MS4A18: variants seen among roughly 807,000 people sequenced by gnomAD.
MS4A18 encodes the protein membrane spanning 4-domains A18.
A neutral mutation model predicts 13.1 loss-of-function variants in MS4A18; 27 were observed. That is an observed-to-expected ratio of 2.06 (90% confidence interval 1.52 to 2.84). MS4A18 has a LOEUF of 2.84. MS4A18 is among the 30% of genes most tolerant of loss of function. The pLI is 0.00. For synonymous variants in MS4A18, 126 were observed against 76.5 expected (o/e 1.65, Z -3.38); for missense variants, 307 against 196.4 (o/e 1.56, Z -3.37).
At chr11:60,727,844 G>T (rs894780950), upstream of MS4A18, among the ~76,000 whole-genome samples, 1 of 152,072 alleles carries the variant, frequency 6.6e-6, no homozygotes, top group Non-Finnish European at 1.5e-5. Flanking sequence ...TCCTCCCATT[G>T]CACACTTGCT....
chr11:60,737,392 C>T lies in MS4A18; in HGVS notation c.648+358C>T, dbSNP rs140865247. Among the ~76,000 whole-genome samples, 568 of 152,338 alleles carry T rather than the reference C, an allele frequency of 3.7e-3. 2 individuals are homozygous for T. The highest frequency in any genetic ancestry group is 5.6e-3 in the Admixed American group (85 of 15,304). ...TTTGGGAAACTCATGAGTATTTACACGCAGTGCCTTATGGGTGCTCTGAAT... is the reference window on the plus strand; with the variant it reads ...TTTGGGAAACTCATGAGTATTTACATGCAGTGCCTTATGGGTGCTCTGAAT... On this transcript the variant is annotated intron_variant, in intron 3 of 5. Transcript: ENST00000529108.
upstream of MS4A18, among the ~76,000 whole-genome samples, chr11:60,726,251 C>T (rs2134670785): frequency 6.6e-6 from 1 of 152,258 alleles, no homozygotes; most frequent in South Asian, 2.1e-4. Flanking sequence ...CCTTAGCCAT[C>T]AGGTGTCAGA....
intron 2 of MS4A18, among the ~76,000 whole-genome samples, chr11:60,735,134 G>T (rs961149245): frequency 6.6e-6 from 1 of 152,076 alleles, no homozygotes; most frequent in African/African-American, 2.4e-5. Context: ...GAAGGGGTTT[G>T]AATGGTATGT....
intron 4 of MS4A18, 40 bp downstream of exon 5, chr11:60,739,037 C>A (rs2134680476): frequency 1.4e-6 from 1 of 700,776 alleles, no homozygotes; most frequent in Admixed American, 2.0e-5. Context: ...TGCCAAAGGA[C>A]CAGGAGGGCT....
chr11:60,732,311 A>C (rs1002155335), intron 1 of MS4A18, among the ~76,000 whole-genome samples: 6 of 152,092 alleles, frequency 3.9e-5, no homozygotes, highest in African/African-American at 1.4e-4. Context: ...CAGGACTTGC[A>C]GGGGACAGAG....
At chr11:60,735,636 C>A (rs956221820) in intron 2 of MS4A18, among the ~76,000 whole-genome samples, 2 of 142,354 alleles carry the variant, frequency 1.4e-5, no homozygotes, top group African/African-American at 2.7e-5. Flanking sequence ...GGCGGCTGGC[C>A]GATTTAATGT....
chr11:60,742,379 G>A (rs1374918014), intron 5 of MS4A18, among the ~76,000 whole-genome samples: 1 of 152,152 alleles, frequency 6.6e-6, no homozygotes, highest in African/African-American at 2.4e-5. Flanking sequence ...TGGTAATCCT[G>A]TTACTAATAA....
At chr11:60,744,031 T>A (rs1459179568) in exon 6 of MS4A18, 1 of 684,334 alleles carries the variant, frequency 1.5e-6, no homozygotes, top group Non-Finnish European at 2.7e-6. Flanking sequence ...GGGATGCCTG[T>A]CTCAATGACA....
Position 60,729,395 on chromosome 11 carries a change from AC to A in MS4A18, c.83del (p.Pro28LeufsTer13), listed in dbSNP as rs1331006346. On this transcript the variant is annotated frameshift_variant, in exon 1 of 6. Transcript: ENST00000529108. LOFTEE classifies it high-confidence loss of function. ...AATGTTCACGTCATCCAGCCCAGCA[AC>A]CCTGTGGCCTCTGGAAATCATCTGC... The A allele has an allele frequency of 4.3e-6, 3 of 702,684 alleles. No individual in the cohort carries two copies. The highest frequency in any genetic ancestry group is 7.8e-6 in the Non-Finnish European group (3 of 384,858). The allele number at this position is 702,684 out of a possible 1,614,324, so 43.5% of individuals were successfully genotyped here.
exon 1 of MS4A18, chr11:60,729,499 C>A (rs1181865680): frequency 1.4e-6 from 1 of 702,706 alleles, no homozygotes; most frequent in African/African-American, 1.7e-5. Context: ...CTTACAGAAT[C>A]TACTCGTGGT....
Position 60,741,156 on chromosome 11 carries a change from C to T in MS4A18, c.858+13C>T. On this transcript the variant is annotated intron_variant, in intron 5 of 5. Transcript: ENST00000529108. ...CAGACAATTTGAGGTAAGCATTGGA[C>T]TCTGTTCCAGGAATCAGATCATGCT... 1 of 703,016 alleles carries T rather than the reference C, an allele frequency of 1.4e-6. No individual in the cohort carries two copies. The highest frequency in any genetic ancestry group is 2.6e-6 in the Non-Finnish European group (1 of 384,994). The allele number at this position is 703,016 out of a possible 1,614,324, so 43.5% of individuals were successfully genotyped here.
At chr11:60,743,597 T>C (rs1853439396) in intron 5 of MS4A18, 53 bp from the exon 7 acceptor site, 2 of 677,306 alleles carry the variant, frequency 3.0e-6, no homozygotes, top group Admixed American at 2.1e-5. Flanking sequence ...TTATGGCCAT[T>C]GTTGTTGTTT....
At chr11:60,739,145 C>A in intron 4 of MS4A18, 148 bp downstream of exon 5, 1 of 615,624 alleles carries the variant, frequency 1.6e-6, no homozygotes, top group Non-Finnish European at 2.9e-6. Context: ...GTCACCAAAA[C>A]CCTGTGCCCT....
chr11:60,735,021 G>T (rs372522878), intron 2 of MS4A18, among the ~76,000 whole-genome samples: 18 of 152,012 alleles, frequency 1.2e-4, no homozygotes, highest in African/African-American at 3.9e-4. Flanking sequence ...GACCTCAGGT[G>T]ATCTGCCCCC....
exon 3 of MS4A18, chr11:60,736,983 T>C: frequency 1.4e-6 from 1 of 702,418 alleles, no homozygotes; most frequent in Non-Finnish European, 2.6e-6. Flanking sequence ...CGTAGTATAT[T>C]GTATCTGGAT....
chr11:60,740,900 T>C, intron 4 of MS4A18, 130 bp from the exon 6 acceptor site: 1 of 659,312 alleles, frequency 1.5e-6, no homozygotes, highest in Non-Finnish European at 2.8e-6. Context: ...CCCAAGCACC[T>C]GCTCCAAAGG....
intron 1 of MS4A18, 76 bp from the exon 3 acceptor site, chr11:60,733,458 C>G: frequency 1.4e-6 from 1 of 699,288 alleles, no homozygotes; most frequent in Non-Finnish European, 2.6e-6. Flanking sequence ...TGGGGCACAG[C>G]CAGGGTGCAA....
upstream of MS4A18, among the ~76,000 whole-genome samples, chr11:60,727,070 G>A (rs141522247): frequency 1.0e-3 from 159 of 152,112 alleles, no homozygotes; most frequent in African/African-American, 3.6e-3. Context: ...CTTCATCCAC[G>A]TCCCTGCAAA....
At chr11:60,743,540 G>A (rs1192742546) in intron 5 of MS4A18, 110 bp from the exon 7 acceptor site, 3 of 634,718 alleles carry the variant, frequency 4.7e-6, no homozygotes, top group South Asian at 1.9e-5. Flanking sequence ...CCAGCATCAG[G>A]GAGAGAGGGT....
Sources: allele counts gnomAD v4.1 joint callset (sites outside exome capture counted in the v4.1 genomes callset), GRCh38; gene constraint gnomAD v4.1.1; transcripts MANE v1.5; gene names NCBI Gene and HGNC (gene_info 2026-07-23, HGNC 2026-07-21).